Variants in WDR38 observed in about 807,000 individuals in gnomAD.
The protein encoded by WDR38 is WD repeat-containing protein 38.
A neutral mutation model predicts 36.6 loss-of-function variants in WDR38; 37 were observed. The ratio of observed to expected loss-of-function variants is 1.01; its 90% CI spans 0.78 to 1.33. WDR38 has a LOEUF of 1.33. WDR38 is among the 40% of genes most tolerant of loss of function. The pLI is 0.00. For missense variants in WDR38, 411 were observed against 414.6 expected, an observed-to-expected ratio of 0.99 and a Z score of 0.07; for synonymous variants, 164 against 168.1, an observed-to-expected ratio of 0.98 and a Z score of 0.19.
intron 2 of WDR38, among the ~76,000 whole-genome samples, chr9:124,855,138 T>C (rs1829013892): frequency 6.6e-6 from 1 of 152,204 alleles, no homozygotes; most frequent in South Asian, 2.1e-4. Context: ...GGTTCAGCCA[T>C]GTCGTGCTTA....
At chr9:124,856,635 T>C in intron 6 of WDR38, 35 bp downstream of exon 6, 7 of 1,612,766 alleles carry the variant, frequency 4.3e-6, no homozygotes, top group Non-Finnish European at 5.9e-6. Context: ...GGCTGGTCCC[T>C]TGCTGGCAGC....
chr9:124,856,817 G>C lies in WDR38; in HGVS notation c.704G>C (p.Trp235Ser). The stretch of plus-strand genomic sequence containing the variant: ...ATCCAACTGAAGGGCCATGTCACCT[G>C]GGTGAAGAGCATAGCCTTCTCTCCC... ...LLIQLKGHVT[W>S]VKSIAFSPDE... Residue 235 changes from tryptophan to serine, a missense_variant, in exon 7 of 9, where the codon TGG (tryptophan) becomes TCG (serine). Coordinates refer to ENST00000373574, the MANE Select transcript of WDR38 (RefSeq NM_001045476.3). 6.2e-7 allele frequency: 1 copy of C among 1,614,232 alleles called. No homozygotes were observed. The highest frequency in any genetic ancestry group is 8.5e-7 in the Non-Finnish European group (1 of 1,180,036).
Position 124,856,600 on chromosome 9 carries a change from G to T in WDR38, c.618G>T (p.Leu206=), listed in dbSNP as rs765043530. Residue 206 remains leucine (L), a splice_region_variant and synonymous_variant, in exon 6 of 9, where the codon CTG becomes CTT. Transcript: ENST00000373574. The part of the protein sequence containing the change: ...SCLCYSASGL[L]ASGSWDKTIH... The stretch of plus-strand genomic sequence containing the variant: ...TGTGCTATTCAGCATCCGGCCTCCT[G>T]GTAAGTGGGGTGTCCTGGGTTCCAG... 18 of 1,613,694 alleles carry T rather than the reference G, an allele frequency of 1.1e-5. No homozygotes were observed. The highest frequency in any genetic ancestry group is 1.4e-5 in the Non-Finnish European group (16 of 1,179,930).
chr9:124,856,283 T>C lies in WDR38; in HGVS notation c.449T>C (p.Ile150Thr), dbSNP rs377293152. ...LRLLVGHRDSIQSSDFSPTVN... is the reference protein window; with the variant it reads ...LRLLVGHRDSTQSSDFSPTVN... ...CTCTTAGTTGGGCACCGTGACTCCA[T>C]CCAGAGCAGCGACTTCTCACCCACG... The change falls in exon 5 of 9, where the codon ATC becomes ACC. Residue 150 changes from isoleucine to threonine, a missense_variant. By Grantham distance (89) the Ile-to-Thr change is moderately conservative. Coordinates refer to ENST00000373574, the MANE Select transcript of WDR38 (RefSeq NM_001045476.3). The C allele has an allele frequency of 1.1e-5, 18 of 1,614,192 alleles. No individual in the cohort carries two copies. Among genetic ancestry groups the C allele is most frequent in the Non-Finnish European group, 1.4e-5 (16 of 1,180,048 alleles).
At position 124,857,799 on chromosome 9, in the gene WDR38, G is replaced by A; in HGVS notation, c.*169G>A. ...GACAACTGTGGTGGGCAGGACGCTT[G>A]CTGGAACCCATCAGACACCTGGTCC... On this transcript the variant is annotated 3_prime_UTR_variant, in exon 9 of 9. Coordinates refer to ENST00000373574, the MANE Select transcript of WDR38 (RefSeq NM_001045476.3). The A allele has an allele frequency of 2.0e-6, 3 of 1,518,488 alleles. No individual in the cohort carries two copies. The highest frequency in any genetic ancestry group is 2.7e-6 in the Non-Finnish European group (3 of 1,121,094). The allele number at this position is 1,518,488 out of a possible 1,614,324, so 94.1% of individuals were successfully genotyped here.
At chr9:124,854,413 G>A in intron 2 of WDR38, 88 bp downstream of exon 2, 2 of 1,586,162 alleles carry the variant, frequency 1.3e-6, no homozygotes, top group Non-Finnish European at 1.7e-6. Context: ...GATGAGCTGG[G>A]CACGGGTGCA....
intron 4 of WDR38, 135 bp downstream of exon 4, chr9:124,856,093 G>GCC: frequency 6.6e-7 from 1 of 1,513,074 alleles, no homozygotes; most frequent in Non-Finnish European, 9.0e-7. Context: ...AACCAAGGCT[G>GCC]CCCCCACCTG....
chr9:124,853,474 T>C lies in WDR38; in HGVS notation c.-58T>C. ...GTTTCCTCTTTCCTCTGCCCAGTCCTGGGGTCCCGCGGCCGCCTAGGAGGG... is the reference window on the plus strand; with the variant it reads ...GTTTCCTCTTTCCTCTGCCCAGTCCCGGGGTCCCGCGGCCGCCTAGGAGGG... On this transcript the variant is annotated 5_prime_UTR_variant, in exon 1 of 9. Transcript: ENST00000373574. The C allele has an allele frequency of 2.7e-6, 3 of 1,126,514 alleles. No individual in the cohort carries two copies. The highest frequency in any genetic ancestry group is 3.4e-6 in the Non-Finnish European group (3 of 885,694). The allele number at this position is 1,126,514 out of a possible 1,614,324, so 69.8% of individuals were successfully genotyped here. A position where few individuals can be genotyped will look rare whatever the true frequency, so the allele number is the denominator to read the frequency against.
In WDR38 at chr9:124,856,871, A is replaced by C. The variant is rs893431605; in HGVS notation, c.758A>C (p.Tyr253Ser). 1.9e-6 allele frequency: 3 copies of C among 1,613,798 alleles called. No homozygotes were observed. The highest frequency in any genetic ancestry group is 2.5e-6 in the Non-Finnish European group (3 of 1,180,010). Residue 253 changes from tyrosine (Y) to serine (S), a missense_variant, in exon 7 of 9, where the codon TAT (tyrosine) becomes TCT (serine). By Grantham distance (144) the Tyr-to-Ser change is moderately radical. Transcript: ENST00000373574. ...GAGCTGTGGCTGGCCAGCGCCGGCT[A>C]TTCCCGCATGGTAACCACCCCGGGC... ...PDELWLASAG[Y>S]SRMVKVWDCN... is the part of the protein sequence containing the mutation.
Position 124,857,241 on chromosome 9 carries a change from C to T in WDR38, c.769-123C>T. Reference sequence around the variant, plus strand: ...CTTTGGGAGGTGGAGGTAGGTGAATCACCTGAGGTCAGGAGTTCAGGCGAA... The same window carrying T: ...CTTTGGGAGGTGGAGGTAGGTGAATTACCTGAGGTCAGGAGTTCAGGCGAA... On this transcript the variant is annotated intron_variant, in intron 7 of 8. Coordinates refer to ENST00000373574, the MANE Select transcript of WDR38 (RefSeq NM_001045476.3). The T allele has an allele frequency of 3.1e-6, 4 of 1,309,572 alleles. No homozygotes were observed. The Admixed American group carries it at 6.9e-5, about 23-fold the overall frequency. 81.1% of individuals were successfully genotyped at this position (1,309,572 alleles called of 1,614,324 possible).
At chr9:124,853,915 C>T (rs1371953878) in intron 1 of WDR38, among the ~76,000 whole-genome samples, 2 of 152,182 alleles carry the variant, frequency 1.3e-5, no homozygotes, top group Admixed American at 1.3e-4. Flanking sequence ...GAACTCAGAA[C>T]TTAGAGTAGA....
rs751893316 is a variant in WDR38, at chr9:124,856,848, G to A, written c.735G>A (p.Glu245=). ...AGAGCATAGCCTTCTCTCCCGACGA[G>A]CTGTGGCTGGCCAGCGCCGGCTATT... The part of the protein sequence containing the change: ...WVKSIAFSPD[E]LWLASAGYSR... The change falls in exon 7 of 9, where the codon GAG becomes GAA. Residue 245 remains glutamate (E), a synonymous_variant. Coordinates refer to ENST00000373574, the MANE Select transcript of WDR38 (RefSeq NM_001045476.3). The A allele has an allele frequency of 2.7e-5, 43 of 1,614,056 alleles. No homozygotes were observed. The highest frequency in any genetic ancestry group is 3.6e-5 in the Non-Finnish European group (43 of 1,180,042).
Position 124,856,842 on chromosome 9 carries a change from C to CAAA in WDR38, c.729_730insAAA (p.Pro243_Asp244insLys), listed in dbSNP as rs1350744823. On this transcript the variant is annotated inframe_insertion, in exon 7 of 9. Transcript: ENST00000373574. Reference sequence around the variant, plus strand: ...GGGTGAAGAGCATAGCCTTCTCTCCCGACGAGCTGTGGCTGGCCAGCGCCG... The same window carrying CAAA: ...GGGTGAAGAGCATAGCCTTCTCTCCCAAAGACGAGCTGTGGCTGGCCAGCGCCG... The CAAA allele has an allele frequency of 6.2e-7, 1 of 1,614,172 alleles. No homozygotes were observed. Among genetic ancestry groups the CAAA allele is most frequent in the East Asian group, 2.2e-5 (1 of 44,884 alleles).
chr9:124,856,473 C>T lies in WDR38; in HGVS notation c.491C>T (p.Thr164Ile), dbSNP rs61738476. ...DFSPTVNCLA[T>I]GSWDSTVHIW... ...ACTCACAGAAGCTGCCTGCAGGCCACCGGCTCCTGGGACTCCACCGTACAC... is the reference window on the plus strand; with the variant it reads ...ACTCACAGAAGCTGCCTGCAGGCCATCGGCTCCTGGGACTCCACCGTACAC... Residue 164 changes from threonine (T) to isoleucine (I), a missense_variant, in exon 6 of 9, where the codon ACC (threonine) becomes ATC (isoleucine). Transcript: ENST00000373574. 0.014 allele frequency: 22,071 copies of T among 1,612,058 alleles called. 215 individuals carry two copies. The highest frequency in any genetic ancestry group is 0.016 in the Non-Finnish European group (18,797 of 1,179,102).
rs1361627924 is a variant in WDR38, at chr9:124,857,839, A to C, written c.*209A>C. ...ACACCTGGTCCCCAAAACCAGACCC[A>C]CCCACCTCCACCCAATCAGTGGAAG... On this transcript the variant is annotated 3_prime_UTR_variant, in exon 9 of 9. Transcript: ENST00000373574. 6.4e-7 allele frequency: 1 copy of C among 1,573,404 alleles called. No individual in the cohort carries two copies. Among genetic ancestry groups the C allele is most frequent in the East Asian group, 2.2e-5 (1 of 44,484 alleles).
intron 2 of WDR38, 145 bp from the exon 3 acceptor site, chr9:124,855,489 G>C: frequency 1.2e-6 from 1 of 807,894 alleles, no homozygotes; most frequent in African/African-American, 1.7e-5. Flanking sequence ...CCCAGGCCAA[G>C]GCATGGAAAT....
chr9:124,855,756 T>C lies in WDR38; in HGVS notation c.307+6T>C, dbSNP rs370071653. On this transcript the variant is annotated splice_donor_region_variant and intron_variant, in intron 3 of 8. Coordinates refer to ENST00000373574, the MANE Select transcript of WDR38 (RefSeq NM_001045476.3). ...GTGTCTGCGGGTCCTGAAGGGTGAGTGAGCTGGGAGCCAAGCAGCCAGGCC... is the reference window on the plus strand; with the variant it reads ...GTGTCTGCGGGTCCTGAAGGGTGAGCGAGCTGGGAGCCAAGCAGCCAGGCC... 1.0e-4 allele frequency: 162 copies of C among 1,613,032 alleles called. No homozygotes were observed. Among genetic ancestry groups the C allele is most frequent in the Non-Finnish European group, 1.1e-4 (128 of 1,180,042 alleles).
At position 124,857,811 on chromosome 9, in the gene WDR38, C is replaced by T. The variant is rs1163779855; in HGVS notation, c.*181C>T. ...GGGCAGGACGCTTGCTGGAACCCAT[C>T]AGACACCTGGTCCCCAAAACCAGAC... On this transcript the variant is annotated 3_prime_UTR_variant, in exon 9 of 9. Coordinates refer to ENST00000373574, the MANE Select transcript of WDR38 (RefSeq NM_001045476.3). The T allele has an allele frequency of 6.5e-7, 1 of 1,535,210 alleles. No individual in the cohort carries two copies. The highest frequency in any genetic ancestry group is 8.8e-7 in the Non-Finnish European group (1 of 1,131,932).
Position 124,857,862 on chromosome 9 carries a change from A to C in WDR38, c.*232A>C. The C allele has an allele frequency of 6.3e-7, 1 of 1,596,402 alleles. No individual in the cohort carries two copies. The highest frequency in any genetic ancestry group is 8.6e-7 in the Non-Finnish European group (1 of 1,169,106). On this transcript the variant is annotated 3_prime_UTR_variant, in exon 9 of 9. Coordinates refer to ENST00000373574, the MANE Select transcript of WDR38 (RefSeq NM_001045476.3). ...CCACCCACCTCCACCCAATCAGTGG[A>C]AGTGCCAGGAAACAAAGCAGTCTCA...
Sources: gnomAD v4.1 joint callset for allele counts (sites outside exome capture counted in the v4.1 genomes callset) on GRCh38, gnomAD v4.1.1 for gene constraint, MANE v1.5 for transcripts, NCBI Gene and HGNC (gene_info 2026-07-23, HGNC 2026-07-21) for gene names.